Variants in CR1 observed in about 807,000 individuals in gnomAD.
The protein encoded by CR1 is complement C3b/C4b receptor 1 (Knops blood group), also known as complement receptor type 1.
In CR1, 116 loss-of-function variants were observed where a neutral mutation model predicts 187.3. The ratio of observed to expected loss-of-function variants is 0.62; its 90% CI spans 0.53 to 0.72. The LOEUF is 0.72. Among genes scored for constraint, CR1 ranks in the 30% least tolerant of loss-of-function variants. CR1 has a pLI of 0.00. For missense variants in CR1, 1,731 were observed against 2,110.7 expected, an observed-to-expected ratio of 0.82 and a Z score of 3.52; for synonymous variants, 576 against 747.1, an observed-to-expected ratio of 0.77 and a Z score of 3.73.
intron 28 of CR1, among the ~76,000 whole-genome samples, chr1:207,576,374 G>A (rs529546234): frequency 3.3e-5 from 5 of 152,314 alleles, no homozygotes; most frequent in African/African-American, 7.2e-5. Flanking sequence ...GAGATTGGGC[G>A]CATTCAGGGT....
intron 1 of CR1, among the ~76,000 whole-genome samples, chr1:207,500,717 A>G (rs1381191210): frequency 6.6e-6 from 1 of 152,224 alleles, no homozygotes; most frequent in East Asian, 1.9e-4. Context: ...AAATAGTTCA[A>G]CAGATTCTTA....
At chr1:207,592,308 G>A (rs1031028069) in intron 35 of CR1, among the ~76,000 whole-genome samples, 3 of 152,120 alleles carry the variant, frequency 2.0e-5, no homozygotes, top group African/African-American at 7.2e-5. Flanking sequence ...ATCAATAAAC[G>A]TAATCCATCA....
intron 39 of CR1, among the ~76,000 whole-genome samples, chr1:207,613,197 A>G (rs2093761): frequency 0.82 from 124,011 of 152,028 alleles, 50,773 homozygotes; most frequent in South Asian, 0.9. Flanking sequence ...ATTGAGTGAC[A>G]AAACAGCTTC....
At chr1:207,564,100 A>G (rs1245331594) in intron 22 of CR1, 32 bp from the exon 23 acceptor site, 1 of 1,540,314 alleles carries the variant, frequency 6.5e-7, no homozygotes, top group South Asian at 1.2e-5. Flanking sequence ...TCCACATGCC[A>G]GTGATTTCTG....
chr1:207,639,345 G>C (rs1253433243), intron 46 of CR1, 52 bp from the exon 47 acceptor site: 1 of 1,558,904 alleles, frequency 6.4e-7, no homozygotes, highest in Non-Finnish European at 8.7e-7. Context: ...ATTCTGGGTA[G>C]TTCAGTTGTC....
chr1:207,524,936 G>C (rs1296644445), intron 5 of CR1, among the ~76,000 whole-genome samples: 1 of 152,052 alleles, frequency 6.6e-6, no homozygotes, highest in African/African-American at 2.4e-5. Context: ...ATAAAGAAAA[G>C]ATGCTTACTT....
chr1:207,514,805 G>T (rs1459885929), intron 4 of CR1, among the ~76,000 whole-genome samples: 1 of 151,996 alleles, frequency 6.6e-6, no homozygotes, highest in East Asian at 1.9e-4. Flanking sequence ...TATAAAGCCA[G>T]CTGGTAGTGT....
intron 4 of CR1, among the ~76,000 whole-genome samples, chr1:207,518,055 T>A (rs1659857874): frequency 6.6e-6 from 1 of 152,198 alleles, no homozygotes; most frequent in African/African-American, 2.4e-5. Flanking sequence ...CTAATTAATT[T>A]GTTTCCAACC....
At position 207,611,775 on chromosome 1, in the gene CR1, A is replaced by G. The variant is rs1438489971; in HGVS notation, c.6394A>G (p.Ser2132Gly). ...GQEVFYSCEP[S>G]YDLRGAASLH... ...GGAAGTGTTCTACAGCTGTGAGCCC[A>G]GCTATGACCTCAGAGGGGCTGCGTC... Residue 2132 changes from serine (S) to glycine (G), a missense_variant, in exon 38 of 47, where the codon AGC becomes GGC. Physicochemically the swap from Ser to Gly is moderately conservative, Grantham distance 56 (BLOSUM62 0). Coordinates refer to ENST00000367049, the MANE Select transcript of CR1 (RefSeq NM_000651.6). 4.3e-6 allele frequency: 7 copies of G among 1,613,990 alleles called. No homozygotes were observed. Among genetic ancestry groups the G allele is most frequent in the Non-Finnish European group, 5.9e-6 (7 of 1,179,894 alleles).
chr1:207,508,504 G>A (rs534935371), intron 3 of CR1, among the ~76,000 whole-genome samples: 1 of 152,134 alleles, frequency 6.6e-6, no homozygotes, highest in African/African-American at 2.4e-5. Flanking sequence ...ATAAATACAT[G>A]GGCATATGTG....
At chr1:207,512,981 A>G (rs1051297948) in intron 4 of CR1, among the ~76,000 whole-genome samples, 19 of 152,226 alleles carry the variant, frequency 1.2e-4, no homozygotes, top group Non-Finnish European at 2.5e-4. Context: ...TGCTTCCTCA[A>G]GAGAATCCAG....
chr1:207,607,224 A>G (rs1032106176), intron 35 of CR1, 27 bp from the exon 36 acceptor site: 21 of 1,552,340 alleles, frequency 1.4e-5, no homozygotes, highest in African/African-American at 5.4e-5. Context: ...TGTGTAGCGT[A>G]TAACCATTTT....
intron 46 of CR1, among the ~76,000 whole-genome samples, chr1:207,635,051 A>G (rs1162176784): frequency 2.0e-5 from 3 of 152,152 alleles, no homozygotes; most frequent in African/African-American, 4.8e-5. Context: ...TATGTCCTAC[A>G]TAGCAGCCAT....
Position 207,565,245 on chromosome 1 carries a change from A to G in CR1, c.3867-593A>G, listed in dbSNP as rs746947784. On this transcript the variant is annotated intron_variant, in intron 23 of 46. Transcript: ENST00000367049. ...GAGTTAGGAGGGCATCAGGGTCCAAAAGACTGAGAATTTTCGACAATTGCA... is the reference window on the plus strand; with the variant it reads ...GAGTTAGGAGGGCATCAGGGTCCAAGAGACTGAGAATTTTCGACAATTGCA... Among the ~76,000 whole-genome samples the G allele has an allele frequency of 3.3e-5, 5 of 150,194 alleles. 1 individual carries two copies. Among genetic ancestry groups the G allele is most frequent in the African/African-American group, 1.3e-4 (5 of 39,630 alleles).
chr1:207,572,215 AT>A (rs1282171245), intron 27 of CR1, among the ~76,000 whole-genome samples: 1 of 132,812 alleles, frequency 7.5e-6, no homozygotes, highest in African/African-American at 3.0e-5. Context: ...TATCGGGAGG[AT>A]TAACTCCAAT....
At chr1:207,521,082 T>C (rs1460011550) in intron 4 of CR1, among the ~76,000 whole-genome samples, 3 of 148,906 alleles carry the variant, frequency 2.0e-5, no homozygotes, top group Middle Eastern at 3.4e-3. Context: ...GTTCAAGTTA[T>C]CCTCCCACTT....
intron 31 of CR1, 87 bp from the exon 32 acceptor site, chr1:207,581,831 G>A: frequency 1.2e-6 from 1 of 867,738 alleles, no homozygotes; most frequent in East Asian, 2.6e-5. Flanking sequence ...AATTAACTTA[G>A]GAATTCTCAG....
In CR1 at chr1:207,636,426, A is replaced by T. The variant is rs190302928; in HGVS notation, c.7458-2971A>T. Among the ~76,000 whole-genome samples, 225 of 142,752 alleles carry T rather than the reference A, an allele frequency of 1.6e-3. 1 individual carries two copies. The highest frequency in any genetic ancestry group is 6.0e-3 in the African/African-American group (206 of 34,058). The allele number at this position is 142,752 out of a possible 152,430, so 93.7% of individuals were successfully genotyped here. ...CCATGTCCCAGTGATGCTCAGACTC[A>T]TTATAAACTTGGGGTGTAATACAAA... On this transcript the variant is annotated intron_variant, in intron 46 of 46. Transcript: ENST00000367049.
intron 44 of CR1, 134 bp from the exon 45 acceptor site, chr1:207,622,859 A>G (rs1440046086): frequency 1.6e-6 from 1 of 641,216 alleles, no homozygotes; most frequent in African/African-American, 1.8e-5. Context: ...ACCCAGAGTA[A>G]AGCAGAATGT....
Sources: allele counts gnomAD v4.1 joint callset (sites outside exome capture counted in the v4.1 genomes callset), GRCh38; gene constraint gnomAD v4.1.1; transcripts MANE v1.5; gene names NCBI Gene and HGNC (gene_info 2026-07-23, HGNC 2026-07-21).